The following FAM13A variants were observed in gnomAD, a reference collection of about 807,000 sequenced individuals.
FAM13A encodes protein FAM13A.
Under a neutral mutation model 129.6 loss-of-function variants are expected in FAM13A, and 76 were observed. The ratio of observed to expected loss-of-function variants is 0.59; its 90% CI spans 0.49 to 0.71. The LOEUF (loss-of-function observed/expected upper bound fraction) is 0.71. Ranked by LOEUF, FAM13A falls within the 30% of genes least tolerant of loss-of-function variation. The probability of loss-of-function intolerance (pLI) is 0.00; values close to 1 mark genes in which losing one functional copy is unlikely to be tolerated. For missense variants in FAM13A, 1,108 were observed against 1,249.3 expected (o/e 0.89, Z 1.70); for synonymous variants, 443 against 449.9 (o/e 0.98, Z 0.20).
At chr4:88,735,360 T>C (rs1376163350) in intron 21 of FAM13A, among the ~76,000 whole-genome samples, 1 of 152,236 alleles carries the variant, frequency 6.6e-6, no homozygotes, top group African/African-American at 2.4e-5. Flanking sequence ...ATATAAGTTA[T>C]CAGCTATTAT....
intron 3 of FAM13A, among the ~76,000 whole-genome samples, chr4:88,999,559 T>C (rs1461801246): frequency 6.6e-6 from 1 of 152,206 alleles, no homozygotes; most frequent in African/African-American, 2.4e-5. Context: ...AGTAAATATA[T>C]AGTTTCAGAT....
intron 11 of FAM13A, among the ~76,000 whole-genome samples, chr4:88,779,567 T>C (rs965808243): frequency 2.0e-5 from 3 of 152,258 alleles, no homozygotes; most frequent in Admixed American, 6.5e-5. Flanking sequence ...AAGTTATTCA[T>C]TGCAACAAAG....
intron 1 of FAM13A, among the ~76,000 whole-genome samples, chr4:89,035,775 A>G (rs1769306815): frequency 6.6e-6 from 1 of 152,188 alleles, no homozygotes; most frequent in South Asian, 2.1e-4. Flanking sequence ...TTCTCTGGCC[A>G]TGTAAAACAT....
intron 5 of FAM13A, among the ~76,000 whole-genome samples, chr4:88,918,315 G>C (rs148537814): frequency 1.5e-4 from 23 of 152,300 alleles, no homozygotes; most frequent in African/African-American, 5.3e-4. Context: ...TTTCTTCTAA[G>C]TGCTTATTAC....
chr4:88,845,082 T>C (rs1736422123), intron 7 of FAM13A, among the ~76,000 whole-genome samples: 3 of 152,018 alleles, frequency 2.0e-5, no homozygotes, highest in Non-Finnish European at 4.4e-5. Context: ...ATTAGTGGAA[T>C]GGATAAAATA....
chr4:89,044,256 G>T (rs1028709074), intron 1 of FAM13A, among the ~76,000 whole-genome samples: 1 of 152,192 alleles, frequency 6.6e-6, no homozygotes, highest in East Asian at 1.9e-4. Context: ...GTTCGAAAAT[G>T]AACAAAGGAC....
intron 13 of FAM13A, among the ~76,000 whole-genome samples, chr4:88,767,183 T>C (rs1241599518): frequency 6.6e-6 from 1 of 152,232 alleles, no homozygotes; most frequent in Non-Finnish European, 1.5e-5. Flanking sequence ...TGAAGATTCA[T>C]GACCTAATCC....
intron 6 of FAM13A, among the ~76,000 whole-genome samples, chr4:88,857,117 T>C (rs1439511518): frequency 6.6e-6 from 1 of 152,110 alleles, no homozygotes; most frequent in Non-Finnish European, 1.5e-5. Context: ...TTAACATGCT[T>C]TAGGGAATAT....
intron 5 of FAM13A, chr4:88,937,390 C>G (rs1754019725): frequency 6.6e-6 from 1 of 152,136 alleles, no homozygotes; most frequent in Admixed American, 6.5e-5. Flanking sequence ...CATGATTCAC[C>G]TCAATATAAA....
intron 4 of FAM13A, among the ~76,000 whole-genome samples, chr4:88,943,130 G>A (rs1036204965): frequency 2.6e-5 from 4 of 152,182 alleles, no homozygotes; most frequent in Admixed American, 2.0e-4. Context: ...ATTATTCACA[G>A]TGATTTGTGA....
chr4:88,990,686 C>T (rs953448716), intron 4 of FAM13A: 1 of 213,102 alleles, frequency 4.7e-6, no homozygotes, highest in Non-Finnish European at 7.9e-6. Context: ...TTTCTGATTA[C>T]AGATTTTTTA....
At chr4:88,965,149 T>C (rs530611997) in intron 4 of FAM13A, among the ~76,000 whole-genome samples, 1 of 152,306 alleles carries the variant, frequency 6.6e-6, no homozygotes, top group African/African-American at 2.4e-5. Flanking sequence ...TGAGCAGCTG[T>C]AGCATTCCTG....
chr4:89,043,913 ACAATCAATCAAT>A (rs543162448), intron 1 of FAM13A, among the ~76,000 whole-genome samples: 15 of 152,076 alleles, frequency 9.9e-5, no homozygotes, highest in Admixed American at 8.5e-4. Context: ...TCTACAAAAT[ACAATCAATCAAT>A]CAATCAATCA....
intron 13 of FAM13A, among the ~76,000 whole-genome samples, chr4:88,759,697 T>C (rs1210465290): frequency 6.6e-6 from 1 of 152,188 alleles, no homozygotes; most frequent in East Asian, 1.9e-4. Flanking sequence ...TTTCCTACTA[T>C]TCATCTACTC....
At chr4:88,789,990 A>T (rs1561000145) in intron 9 of FAM13A, among the ~76,000 whole-genome samples, 1 of 152,166 alleles carries the variant, frequency 6.6e-6, no homozygotes. Flanking sequence ...TCTAAGTGTC[A>T]GTGGAAGACT....
intron 11 of FAM13A, 188 bp from the exon 12 acceptor site, chr4:88,768,247 T>C: frequency 2.2e-6 from 1 of 452,692 alleles, no homozygotes; most frequent in Non-Finnish European, 3.9e-6. Flanking sequence ...CATAGAATTG[T>C]GTATTGAACT....
chr4:88,858,067 G>T (rs1296340461), intron 6 of FAM13A, among the ~76,000 whole-genome samples: 3 of 152,124 alleles, frequency 2.0e-5, no homozygotes, highest in Non-Finnish European at 4.4e-5. Context: ...GAGATCACAA[G>T]AATCTGAATT....
intron 3 of FAM13A, among the ~76,000 whole-genome samples, chr4:88,999,374 G>T (rs1763957869): frequency 6.6e-6 from 1 of 152,110 alleles, no homozygotes; most frequent in Non-Finnish European, 1.5e-5. Flanking sequence ...AGCAGCTGAA[G>T]AACTTATTTG....
chr4:88,792,305 G>C (rs2149682628), intron 8 of FAM13A, among the ~76,000 whole-genome samples: 1 of 152,180 alleles, frequency 6.6e-6, no homozygotes, highest in East Asian at 1.9e-4. Context: ...TTTGAACCAA[G>C]AAAGGTTTTA....
Sources: gnomAD v4.1 joint callset for allele counts (sites outside exome capture counted in the v4.1 genomes callset) on GRCh38, gnomAD v4.1.1 for gene constraint, MANE v1.5 for transcripts, NCBI Gene and HGNC (gene_info 2026-07-23, HGNC 2026-07-21) for gene names.